The following ZBTB20 variants were observed in gnomAD, a reference collection of about 807,000 sequenced individuals.
ZBTB20 encodes zinc finger and BTB domain containing 20, also known as zinc finger and BTB domain-containing protein 20.
Under a neutral mutation model 56.9 loss-of-function variants are expected in ZBTB20, and 9 were observed. That is an observed-to-expected ratio of 0.16 (90% CI 0.10 to 0.28). The LOEUF (loss-of-function observed/expected upper bound fraction) is 0.28. Among genes scored for constraint, ZBTB20 ranks in the 10% least tolerant of loss-of-function variants. ZBTB20 has a pLI of 1.00. For missense variants in ZBTB20, 655 were observed against 1,003.0 expected, an observed-to-expected ratio of 0.65 and a Z score of 4.69; for synonymous variants, 417 against 420.7, an observed-to-expected ratio of 0.99 and a Z score of 0.11.
intron 1 of ZBTB20, among the ~76,000 whole-genome samples, chr3:115,136,391 T>A (rs1007065877): frequency 6.6e-6 from 1 of 152,138 alleles, no homozygotes; most frequent in African/African-American, 2.4e-5. Flanking sequence ...GAATTCCTCC[T>A]GTGTGCCAGA....
intron 7 of ZBTB20, among the ~76,000 whole-genome samples, chr3:114,434,541 G>GGGGTGTGTGTGTGTGTTTGTGT (rs1553711977): frequency 0.15 from 12,713 of 84,974 alleles, 709 homozygotes; most frequent in Admixed American, 0.29. Flanking sequence ...CTGCAATTGG[G>GGGGTGTGTGTGTGTGTTTGTGT]GTGTGTGTGT....
chr3:114,430,546 A>AT (rs999544946), intron 7 of ZBTB20, among the ~76,000 whole-genome samples: 1 of 152,172 alleles, frequency 6.6e-6, no homozygotes, highest in Non-Finnish European at 1.5e-5. Flanking sequence ...ATAAACACAC[A>AT]TTTTCTGCCA....
chr3:114,767,295 A>G (rs530419351), intron 5 of ZBTB20, among the ~76,000 whole-genome samples: 109 of 152,204 alleles, frequency 7.2e-4, no homozygotes, highest in Non-Finnish European at 2.1e-4. Context: ...ATTTTCTATT[A>G]CAGAAATAAC....
chr3:114,573,908 G>A (rs2107383123), intron 6 of ZBTB20, among the ~76,000 whole-genome samples: 1 of 152,158 alleles, frequency 6.6e-6, no homozygotes, highest in East Asian at 1.9e-4. Context: ...CAATAAAAAG[G>A]CAATAGAAAT....
chr3:115,113,686 A>G (rs1179497929), intron 1 of ZBTB20, among the ~76,000 whole-genome samples: 1 of 152,234 alleles, frequency 6.6e-6, no homozygotes, highest in East Asian at 1.9e-4. Context: ...GGATTCTTGA[A>G]GTGTCCATAG....
At chr3:114,917,166 A>G (rs2075777412) in intron 3 of ZBTB20, among the ~76,000 whole-genome samples, 1 of 152,186 alleles carries the variant, frequency 6.6e-6, no homozygotes. Flanking sequence ...AGGCTGCTGC[A>G]TTCTTCAGGG....
intron 7 of ZBTB20, among the ~76,000 whole-genome samples, chr3:114,491,016 G>C (rs1332532053): frequency 6.6e-6 from 1 of 152,194 alleles, no homozygotes; most frequent in East Asian, 1.9e-4. Flanking sequence ...ACCCTGGACT[G>C]TGAGCTATTT....
intron 3 of ZBTB20, among the ~76,000 whole-genome samples, chr3:114,921,889 G>A (rs1396128604): frequency 6.6e-6 from 1 of 152,002 alleles, no homozygotes; most frequent in African/African-American, 2.4e-5. Flanking sequence ...TATATATAAA[G>A]AGTGCTACAA....
At chr3:114,376,612 G>A (rs763020418) in intron 10 of ZBTB20, among the ~76,000 whole-genome samples, 22 of 152,172 alleles carry the variant, frequency 1.4e-4, no homozygotes, top group Non-Finnish European at 3.2e-4. Flanking sequence ...ATTGGCCTCT[G>A]TGAGTGTCCA....
chr3:114,482,290 G>C (rs923830757), intron 7 of ZBTB20, among the ~76,000 whole-genome samples: 2 of 152,168 alleles, frequency 1.3e-5, no homozygotes, highest in African/African-American at 4.8e-5. Flanking sequence ...CAGGGAATTT[G>C]AGCTCAGAAG....
chr3:114,783,076 T>G (rs984488337), intron 5 of ZBTB20, among the ~76,000 whole-genome samples: 1 of 152,204 alleles, frequency 6.6e-6, no homozygotes, highest in African/African-American at 2.4e-5. Context: ...CGAACTGTGC[T>G]GAGTACATTG....
At chr3:114,399,725 C>G (rs1364897884) in intron 7 of ZBTB20, among the ~76,000 whole-genome samples, 1 of 152,046 alleles carries the variant, frequency 6.6e-6, no homozygotes, top group Non-Finnish European at 1.5e-5. Flanking sequence ...TGGGCAGTTT[C>G]TGCAATAAAG....
intron 1 of ZBTB20, among the ~76,000 whole-genome samples, chr3:115,128,134 A>G (rs2084386319): frequency 6.6e-6 from 1 of 152,216 alleles, no homozygotes; most frequent in African/African-American, 2.4e-5. Context: ...AATAGGTCCT[A>G]CTACTCGAGT....
chr3:114,943,159 CTATT>C (rs2076774410), intron 3 of ZBTB20, among the ~76,000 whole-genome samples: 2 of 145,558 alleles, frequency 1.4e-5, no homozygotes, highest in African/African-American at 5.6e-5. Flanking sequence ...CTCTAAATGA[CTATT>C]TATAAAACTA....
chr3:114,569,642 T>C lies in ZBTB20; in HGVS notation c.-294-69251A>G, dbSNP rs539737169. Among the ~76,000 whole-genome samples, 6 of 152,360 alleles carry C rather than the reference T, an allele frequency of 3.9e-5. No homozygotes were observed. In the East Asian group the frequency reaches 5.8e-4, roughly 15 times the overall value. On this transcript the variant is annotated intron_variant, in intron 6 of 11. Coordinates refer to ENST00000675478, the MANE Select transcript of ZBTB20 (RefSeq NM_001348800.3). ...CTAACTAAAGAGGTGTTGATGTCCA[T>C]AGGTGAGTTTTACCTGTCTGCCTAC...
chr3:114,957,361 G>A (rs1324712004), intron 3 of ZBTB20, among the ~76,000 whole-genome samples: 4 of 152,178 alleles, frequency 2.6e-5, no homozygotes, highest in Non-Finnish European at 1.5e-5. Context: ...GATGGGATGA[G>A]ATACTAGAGG....
chr3:114,531,785 T>C (rs1426624789), intron 6 of ZBTB20, among the ~76,000 whole-genome samples: 3 of 152,122 alleles, frequency 2.0e-5, no homozygotes, highest in African/African-American at 7.2e-5. Flanking sequence ...CCAACAGAGG[T>C]ACCTGGCTCA....
chr3:114,848,074 T>C (rs561458600), intron 4 of ZBTB20, among the ~76,000 whole-genome samples: 2 of 152,274 alleles, frequency 1.3e-5, no homozygotes, highest in Admixed American at 1.3e-4. Flanking sequence ...TGATGCACTC[T>C]GCAAAGCCTG....
chr3:114,486,245 A>T, intron 7 of ZBTB20, among the ~76,000 whole-genome samples: 1 of 104,662 alleles, frequency 9.6e-6, no homozygotes, highest in South Asian at 3.3e-4. Context: ...AGTGTATCAG[A>T]GATTTGGGAT....
Sources: gnomAD v4.1 joint callset for allele counts (sites outside exome capture counted in the v4.1 genomes callset) on GRCh38, gnomAD v4.1.1 for gene constraint, MANE v1.5 for transcripts, NCBI Gene and HGNC (gene_info 2026-07-23, HGNC 2026-07-21) for gene names.